The following PLXDC2 variants were observed in gnomAD, a reference collection of about 807,000 sequenced individuals.
PLXDC2 encodes plexin domain-containing protein 2.
Under a neutral mutation model 68.9 loss-of-function variants are expected in PLXDC2, and 40 were observed. The ratio of observed to expected loss-of-function variants is 0.58; its 90% confidence interval spans 0.45 to 0.76. The LOEUF is 0.76. Among genes scored for constraint, PLXDC2 ranks in the 30% least tolerant of loss-of-function variants. The pLI, the probability that PLXDC2 is intolerant of heterozygous loss-of-function variation, is 0.00. For missense variants in PLXDC2, 644 were observed against 661.9 expected, an observed-to-expected ratio of 0.97 and a Z score of 0.30; for synonymous variants, 243 against 234.2, an observed-to-expected ratio of 1.04 and a Z score of -0.34.
intron 4 of PLXDC2, among the ~76,000 whole-genome samples, chr10:20,102,869 A>G (rs978621058): frequency 1.3e-5 from 2 of 152,184 alleles, no homozygotes; most frequent in African/African-American, 4.8e-5. Flanking sequence ...CAAGAACACC[A>G]AATTATTGAG....
intron 4 of PLXDC2, among the ~76,000 whole-genome samples, chr10:20,139,262 G>A (rs1833970509): frequency 6.6e-6 from 1 of 152,204 alleles, no homozygotes; most frequent in Admixed American, 6.5e-5. Flanking sequence ...GCAAAATGGA[G>A]TGGCCGTGTA....
At chr10:20,162,945 G>A (rs552464951) in intron 6 of PLXDC2, among the ~76,000 whole-genome samples, 1 of 150,626 alleles carries the variant, frequency 6.6e-6, no homozygotes. Context: ...GCTGGGTGTG[G>A]TGACACACGC....
chr10:20,162,065 AGAGAGAGAAGGAAGGAAGGAAG>A (rs1239353420), intron 6 of PLXDC2, among the ~76,000 whole-genome samples: 35 of 50,456 alleles, frequency 6.9e-4, no homozygotes, highest in Non-Finnish European at 9.2e-4. Context: ...AGAGAGAGAG[AGAGAGAGAAGGAAGGAAGGAAG>A]GAAGGAAGGA....
At chr10:19,924,687 G>A (rs1008849280) in intron 1 of PLXDC2, among the ~76,000 whole-genome samples, 2 of 152,140 alleles carry the variant, frequency 1.3e-5, no homozygotes, top group South Asian at 4.1e-4. Context: ...ATCATTTGGA[G>A]GAGATCTGAA....
At chr10:20,269,089 GC>G (rs1428350856) in intron 13 of PLXDC2, among the ~76,000 whole-genome samples, 1 of 152,194 alleles carries the variant, frequency 6.6e-6, no homozygotes, top group Admixed American at 6.5e-5. Flanking sequence ...AGTATACTCT[GC>G]TAGAGTCTCT....
At chr10:19,987,406 A>AT (rs1371683063) in intron 1 of PLXDC2, among the ~76,000 whole-genome samples, 4 of 152,046 alleles carry the variant, frequency 2.6e-5, no homozygotes, top group Admixed American at 6.6e-5. Context: ...CCAGAACATA[A>AT]TTTTTTACCG....
At chr10:19,921,112 C>CTT (rs57207021) in intron 1 of PLXDC2, among the ~76,000 whole-genome samples, 27 of 137,556 alleles carry the variant, frequency 2.0e-4, no homozygotes, top group Non-Finnish European at 3.1e-4. Flanking sequence ...TTTTCTTCTT[C>CTT]TTTTTTTTTT....
chr10:19,821,984 T>G (rs7076737), intron 1 of PLXDC2, among the ~76,000 whole-genome samples: 19,560 of 152,192 alleles, frequency 0.13, 1,460 homozygotes, highest in Non-Finnish European at 0.16. Flanking sequence ...TGCTTGTTTA[T>G]TTTCTTATTC....
chr10:20,004,245 C>T (rs1276976227), intron 2 of PLXDC2, among the ~76,000 whole-genome samples: 2 of 152,204 alleles, frequency 1.3e-5, no homozygotes, highest in African/African-American at 4.8e-5. Context: ...AAACCCCACT[C>T]CATGGCATTA....
chr10:20,135,287 T>G (rs2131780454), intron 4 of PLXDC2, among the ~76,000 whole-genome samples: 1 of 152,318 alleles, frequency 6.6e-6, no homozygotes, highest in Non-Finnish European at 1.5e-5. Flanking sequence ...CCAGGTACTT[T>G]GTGTACTATA....
rs567912938 is a variant in PLXDC2 at position 19,998,053 on chromosome 10, A to C, written c.113-3722A>C. ...GAAAATGATCTTTGAAGGTTTTTCC[A>C]TCAGTGGTTTAATTAACATACAGTA... On this transcript the variant is annotated intron_variant, in intron 1 of 13. Transcript: ENST00000377252. Among the ~76,000 whole-genome samples the C allele has an allele frequency of 1.2e-4, 18 of 152,330 alleles. 1 individual carries two copies. The South Asian group carries it at 1.2e-3, about 11-fold the overall frequency.
intron 1 of PLXDC2, among the ~76,000 whole-genome samples, chr10:19,898,153 G>A (rs1422559616): frequency 1.3e-5 from 2 of 152,236 alleles, no homozygotes; most frequent in East Asian, 3.9e-4. Context: ...ATACAAAGAA[G>A]AGGGAAGCTA....
intron 9 of PLXDC2, among the ~76,000 whole-genome samples, chr10:20,195,354 T>C (rs1331751079): frequency 6.6e-6 from 1 of 152,076 alleles, no homozygotes. Context: ...CACCCAGCCA[T>C]TCTTTCTGCA....
chr10:20,203,470 A>C (rs906359074), intron 9 of PLXDC2, among the ~76,000 whole-genome samples: 1 of 151,528 alleles, frequency 6.6e-6, no homozygotes, highest in Non-Finnish European at 1.5e-5. Flanking sequence ...ATGCCTGGCT[A>C]ATTTTTCTTT....
chr10:19,975,497 A>C (rs1242176954), intron 1 of PLXDC2, among the ~76,000 whole-genome samples: 1 of 152,070 alleles, frequency 6.6e-6, no homozygotes, highest in Admixed American at 6.5e-5. Context: ...TAAATAAAAC[A>C]CAAAGGAAGA....
intron 2 of PLXDC2, among the ~76,000 whole-genome samples, chr10:20,021,391 A>C (rs1051246130): frequency 6.6e-6 from 1 of 152,138 alleles, no homozygotes; most frequent in African/African-American, 2.4e-5. Flanking sequence ...CCCCGCATGC[A>C]TTAGGATTTG....
In PLXDC2 at chr10:20,286,618, A is replaced by T. The variant is rs183159620; in HGVS notation, c.*6799A>T. 4 of 152,324 alleles carry T rather than the reference A, an allele frequency of 2.6e-5. No homozygotes were observed. The East Asian group carries it at 7.7e-4, about 29-fold the overall frequency. 9.4% of individuals were successfully genotyped at this position (152,324 alleles called of 1,614,324 possible). ...GCATGAAACTAATTTTAGAAGTTTC[A>T]TGGGGGAATTTTAGGGGAAAGTATA... On this transcript the variant is annotated 3_prime_UTR_variant, in exon 14 of 14. Transcript: ENST00000377252.
At chr10:20,187,416 A>G (rs1403803944) in intron 9 of PLXDC2, among the ~76,000 whole-genome samples, 1 of 151,924 alleles carries the variant, frequency 6.6e-6, no homozygotes, top group African/African-American at 2.4e-5. Context: ...ACAGGTATAC[A>G]ATGTATAATG....
chr10:19,941,121 A>G (rs1833811666), intron 1 of PLXDC2, among the ~76,000 whole-genome samples: 1 of 152,212 alleles, frequency 6.6e-6, no homozygotes, highest in Non-Finnish European at 1.5e-5. Context: ...ATTTTATCTC[A>G]AGGATAAATG....
Sources: gnomAD v4.1 joint callset for allele counts (sites outside exome capture counted in the v4.1 genomes callset) on GRCh38, gnomAD v4.1.1 for gene constraint, MANE v1.5 for transcripts, NCBI Gene and HGNC (gene_info 2026-07-23, HGNC 2026-07-21) for gene names.